FER: variants seen among roughly 807,000 people sequenced by gnomAD.
FER encodes the protein FER tyrosine kinase, also known as tyrosine-protein kinase Fer.
A neutral mutation model predicts 111.0 loss-of-function variants in FER; 63 were observed. That is an observed-to-expected ratio of 0.57 (90% CI 0.46 to 0.70). The LOEUF (loss-of-function observed/expected upper bound fraction) is 0.70, where lower values mean the gene tolerates loss of function less well. Among genes scored for constraint, FER ranks in the 30% least tolerant of loss-of-function variants. The pLI is 0.00. For missense variants in FER, 914 were observed against 954.0 expected (o/e 0.96, Z 0.55); for synonymous variants, 327 against 313.9 (o/e 1.04, Z -0.44).
chr5:109,177,015 A>G (rs1416785407), intron 17 of FER, among the ~76,000 whole-genome samples: 1 of 152,222 alleles, frequency 6.6e-6, no homozygotes, highest in Non-Finnish European at 1.5e-5. Context: ...CAATGAGTCA[A>G]ATGAAACTGG....
intron 13 of FER, among the ~76,000 whole-genome samples, chr5:108,992,192 G>A (rs902280793): frequency 2.0e-5 from 3 of 152,070 alleles, no homozygotes; most frequent in Non-Finnish European, 4.4e-5. Flanking sequence ...CAGGGTTGGG[G>A]GTAAGGTCAC....
intron 16 of FER, among the ~76,000 whole-genome samples, chr5:109,055,494 T>G (rs1257879027): frequency 1.3e-5 from 2 of 152,020 alleles, no homozygotes; most frequent in Non-Finnish European, 2.9e-5. Flanking sequence ...AGTTTAAAGA[T>G]GGGCAGAGGA....
In FER at chr5:109,002,231, G is replaced by A. The variant is rs1764879176; in HGVS notation, c.1657-35191G>A. Among the ~76,000 whole-genome samples, 6 of 151,974 alleles carry A rather than the reference G, an allele frequency of 3.9e-5. No homozygotes were observed. The South Asian group carries it at 6.2e-4, about 16-fold the overall frequency. ...TACCTGACTTCAAACTATACTACAA[G>A]GCTACAGTAACCAAAACAGCATGGG... On this transcript the variant is annotated intron_variant, in intron 13 of 19. Transcript: ENST00000281092.
chr5:109,042,725 G>A (rs1289737940), intron 14 of FER, among the ~76,000 whole-genome samples: 6 of 152,108 alleles, frequency 3.9e-5, no homozygotes, highest in Non-Finnish European at 7.3e-5. Flanking sequence ...TGAACAAGGG[G>A]CATAAGAAAT....
At chr5:108,868,969 G>A (rs1484331989) in intron 6 of FER, among the ~76,000 whole-genome samples, 2 of 151,984 alleles carry the variant, frequency 1.3e-5, no homozygotes, top group African/African-American at 4.8e-5. Flanking sequence ...TAAGCCAGAG[G>A]TTGCAAATTT....
At chr5:109,007,170 T>C (rs899722685) in intron 13 of FER, among the ~76,000 whole-genome samples, 1 of 152,196 alleles carries the variant, frequency 6.6e-6, no homozygotes, top group African/African-American at 2.4e-5. Context: ...TTCGAAGTAA[T>C]AGCTCATATT....
intron 11 of FER, among the ~76,000 whole-genome samples, chr5:108,948,761 A>T (rs1455548152): frequency 6.6e-6 from 1 of 152,120 alleles, no homozygotes; most frequent in Non-Finnish European, 1.5e-5. Context: ...TGGCTGAGCA[A>T]ATCGCTTGTT....
rs556143148 is a variant in FER, at chr5:108,916,198, T to A, written c.1236+18350T>A. 1.7e-4 allele frequency among the ~76,000 whole-genome samples: 26 copies of A among 152,308 alleles called. No individual in the cohort carries two copies. In the South Asian group the frequency reaches 5.2e-3, roughly 30 times the overall value. On this transcript the variant is annotated intron_variant, in intron 10 of 19. Transcript: ENST00000281092. ...TCTTACCTAAAGGTGTCAAAACTCT[T>A]CCTTTATAGTTTAATAAAATCTAAC...
chr5:108,799,941 C>T (rs1170010162), intron 3 of FER, among the ~76,000 whole-genome samples: 2 of 150,996 alleles, frequency 1.3e-5, no homozygotes, highest in Admixed American at 1.3e-4. Flanking sequence ...CTCCCGGGTT[C>T]AGGTGATTCT....
At chr5:108,937,273 A>G (rs1755595943) in intron 10 of FER, among the ~76,000 whole-genome samples, 1 of 151,964 alleles carries the variant, frequency 6.6e-6, no homozygotes, top group Non-Finnish European at 1.5e-5. Context: ...GGCTTGTATA[A>G]CAGAGGTAGT....
At chr5:108,820,736 T>A (rs1343304660) in intron 3 of FER, among the ~76,000 whole-genome samples, 1 of 152,176 alleles carries the variant, frequency 6.6e-6, no homozygotes, top group Non-Finnish European at 1.5e-5. Context: ...TTTAAAAAAT[T>A]TAGTCTTTGT....
At chr5:108,763,721 A>G (rs977998533) in intron 1 of FER, among the ~76,000 whole-genome samples, 4 of 152,208 alleles carry the variant, frequency 2.6e-5, no homozygotes, top group African/African-American at 9.7e-5. Context: ...TTTGTAGTAC[A>G]TTTTGGTCAG....
intron 3 of FER, among the ~76,000 whole-genome samples, chr5:108,820,942 T>C (rs1758777211): frequency 1.3e-5 from 2 of 152,100 alleles, no homozygotes; most frequent in Non-Finnish European, 2.9e-5. Context: ...TGAAACCCTG[T>C]CTTTACTAAA....
chr5:108,991,634 A>C (rs886920030), intron 13 of FER, among the ~76,000 whole-genome samples: 9 of 152,030 alleles, frequency 5.9e-5, no homozygotes, highest in African/African-American at 1.7e-4. Context: ...CTGTATTTCA[A>C]TATCTCCTTC....
At chr5:109,064,362 C>T (rs1581869027) in intron 16 of FER, among the ~76,000 whole-genome samples, 1 of 151,988 alleles carries the variant, frequency 6.6e-6, no homozygotes, top group East Asian at 1.9e-4. Flanking sequence ...TATATTCTTT[C>T]CCAGAGGTTG....
chr5:109,047,384 A>G (rs1040648192), intron 16 of FER, among the ~76,000 whole-genome samples, 186 bp downstream of exon 16: 2 of 152,198 alleles, frequency 1.3e-5, no homozygotes. Context: ...ACTATTTTCT[A>G]GAAAATGTCA....
rs1759689027 is a variant in FER, at chr5:109,195,625, A to AG, written c.*8051dup. ...TCAAATCCATGACCAAAGTGTCCAA[A>AG]GACATGAAACTCTTATACCTGCTGA... On this transcript the variant is annotated 3_prime_UTR_variant, in exon 20 of 20. Coordinates refer to ENST00000281092, the MANE Select transcript of FER (RefSeq NM_005246.4). 1 of 152,236 alleles carries AG rather than the reference A, an allele frequency of 6.6e-6. No homozygotes were observed. Among genetic ancestry groups the AG allele is most frequent in the South Asian group, 2.1e-4 (1 of 4,830 alleles). The allele number at this position is 152,236 out of a possible 1,614,324, so 9.4% of individuals were successfully genotyped here.
At chr5:108,987,328 C>A (rs887413353) in intron 13 of FER, among the ~76,000 whole-genome samples, 1 of 152,020 alleles carries the variant, frequency 6.6e-6, no homozygotes, top group African/African-American at 2.4e-5. Context: ...CACCTGTAAT[C>A]CCAGCTACTT....
intron 10 of FER, among the ~76,000 whole-genome samples, chr5:108,945,157 A>G (rs1756807377): frequency 6.6e-6 from 1 of 152,194 alleles, no homozygotes; most frequent in Non-Finnish European, 1.5e-5. Flanking sequence ...CTTGTTTTCC[A>G]GAAGTAAAAT....
Sources: allele counts gnomAD v4.1 joint callset (sites outside exome capture counted in the v4.1 genomes callset), GRCh38; gene constraint gnomAD v4.1.1; transcripts MANE v1.5; gene names NCBI Gene and HGNC (gene_info 2026-07-23, HGNC 2026-07-21).